Variants in METTL8 observed in about 807,000 individuals in gnomAD.
The protein encoded by METTL8 is tRNA N(3)-cytidine methyltransferase METTL8, mitochondrial.
A neutral mutation model predicts 48.7 loss-of-function variants in METTL8; 32 were observed. The ratio of observed to expected loss-of-function variants is 0.66; its 90% CI spans 0.50 to 0.88. The LOEUF (loss-of-function observed/expected upper bound fraction) is 0.88. Among genes scored for constraint, METTL8 ranks in the 40% least tolerant of loss-of-function variants. METTL8 has a pLI of 0.00. For synonymous variants in METTL8, 136 were observed against 157.1 expected (o/e 0.87, Z 1.01); for missense variants, 464 against 474.4 (o/e 0.98, Z 0.20).
At chr2:171,326,741 T>G (rs1685003673) in intron 7 of METTL8, among the ~76,000 whole-genome samples, 2 of 152,212 alleles carry the variant, frequency 1.3e-5, no homozygotes, top group Admixed American at 6.5e-5. Flanking sequence ...ATATTTCCTG[T>G]CTTTTTTGTT....
chr2:171,418,191 T>C (rs1204231365), intron 1 of METTL8, among the ~76,000 whole-genome samples: 2 of 152,168 alleles, frequency 1.3e-5, no homozygotes, highest in Non-Finnish European at 2.9e-5. Context: ...GATCCACCCG[T>C]GTCAATCTCC....
At chr2:171,326,278 G>T in intron 7 of METTL8, 130 bp from the exon 8 acceptor site, 1 of 559,700 alleles carries the variant, frequency 1.8e-6, no homozygotes, top group Non-Finnish European at 3.2e-6. Flanking sequence ...ATAAACATAA[G>T]GGTAACAAAA....
intron 3 of METTL8, among the ~76,000 whole-genome samples, chr2:171,348,854 T>G (rs968674768): frequency 2.0e-5 from 3 of 152,126 alleles, no homozygotes; most frequent in Non-Finnish European, 4.4e-5. Context: ...AAGGGAGAAA[T>G]CATTTTAAGA....
At position 171,347,577 on chromosome 2, in the gene METTL8, G is replaced by T. The variant is rs2105439194; in HGVS notation, c.236-8023C>A. On this transcript the variant is annotated intron_variant, in intron 3 of 9. Coordinates refer to ENST00000375258, the MANE Select transcript of METTL8 (RefSeq NM_001321154.2). ...TCATATTATCAGGAAATATATTGTG[G>T]ATAATTTTTAACTTCCTGGAAATGA... 2.0e-5 allele frequency among the ~76,000 whole-genome samples: 3 copies of T among 152,308 alleles called. 1 individual carries two copies. In the South Asian group the frequency reaches 6.2e-4, roughly 32 times the overall value.
At chr2:171,354,856 T>G (rs904295348) in intron 3 of METTL8, among the ~76,000 whole-genome samples, 6 of 136,998 alleles carry the variant, frequency 4.4e-5, no homozygotes, top group African/African-American at 1.6e-4. Flanking sequence ...AGTTAGCCAT[T>G]TGTCTAATTT....
intron 1 of METTL8, among the ~76,000 whole-genome samples, chr2:171,421,740 T>A (rs555834930): frequency 1.3e-5 from 2 of 152,066 alleles, no homozygotes; most frequent in Non-Finnish European, 1.5e-5. Flanking sequence ...AATCTGCATA[T>A]AAGGAGGGCC....
At chr2:171,337,367 G>GC (rs1215637465) in intron 5 of METTL8, 86 bp downstream of exon 5, 1 of 909,956 alleles carries the variant, frequency 1.1e-6, no homozygotes, top group Non-Finnish European at 1.7e-6. Context: ...AACACTACTG[G>GC]CATACACGTG....
chr2:171,342,976 G>A (rs1278567961), intron 3 of METTL8, among the ~76,000 whole-genome samples: 1 of 152,058 alleles, frequency 6.6e-6, no homozygotes, highest in South Asian at 2.1e-4. Context: ...AATTCAAGAT[G>A]AGCCTGGACA....
chr2:171,399,954 C>T (rs1689481402), intron 1 of METTL8, among the ~76,000 whole-genome samples: 1 of 151,882 alleles, frequency 6.6e-6, no homozygotes, highest in African/African-American at 2.4e-5. Flanking sequence ...GCCTGGGCAA[C>T]ATAGAGAGAC....
chr2:171,365,529 T>G (rs939543384), intron 2 of METTL8, among the ~76,000 whole-genome samples: 1 of 152,200 alleles, frequency 6.6e-6, no homozygotes, highest in African/African-American at 2.4e-5. Context: ...GACCCGCCTT[T>G]TAAACTCTTA....
chr2:171,360,557 G>A, intron 2 of METTL8, 44 bp from the exon 3 acceptor site: 2 of 1,551,202 alleles, frequency 1.3e-6, no homozygotes, highest in Admixed American at 1.8e-5. Context: ...TATCATTGAA[G>A]AAGGCAGAAA....
At chr2:171,429,602 A>G (rs1692773919) in intron 1 of METTL8, among the ~76,000 whole-genome samples, 3 of 152,250 alleles carry the variant, frequency 2.0e-5, no homozygotes, top group Non-Finnish European at 4.4e-5. Flanking sequence ...GATACAACAC[A>G]CACATAAAAA....
At chr2:171,425,547 A>T (rs1692319367) in intron 1 of METTL8, among the ~76,000 whole-genome samples, 1 of 152,216 alleles carries the variant, frequency 6.6e-6, no homozygotes, top group East Asian at 1.9e-4. Context: ...AACGTCTCAG[A>T]GCTGAGGGCT....
intron 2 of METTL8, among the ~76,000 whole-genome samples, 180 bp from the exon 3 acceptor site, chr2:171,360,693 G>T (rs1267666943): frequency 6.6e-6 from 1 of 152,086 alleles, no homozygotes; most frequent in Admixed American, 6.6e-5. Context: ...TACAACCCTG[G>T]AACTCCTAAG....
chr2:171,379,317 A>T (rs963383221), intron 2 of METTL8, among the ~76,000 whole-genome samples: 11 of 152,236 alleles, frequency 7.2e-5, no homozygotes, highest in African/African-American at 2.4e-4. Flanking sequence ...GAAAGATTTC[A>T]AATCAAAACC....
At position 171,317,436 on chromosome 2, in the gene METTL8, A is replaced by C. The variant is rs1414380595; in HGVS notation, c.*6736T>G. On this transcript the variant is annotated 3_prime_UTR_variant, in exon 10 of 10. Transcript: ENST00000375258. Reference sequence around the variant, plus strand: ...CAATCAAAGGCTCATTTTATTTGATAGGTAACATCTGATACAGAAGCATTT... The same window carrying C: ...CAATCAAAGGCTCATTTTATTTGATCGGTAACATCTGATACAGAAGCATTT... 1 of 152,268 alleles carries C rather than the reference A, an allele frequency of 6.6e-6. No homozygotes were observed. Among genetic ancestry groups the C allele is most frequent in the Non-Finnish European group, 1.5e-5 (1 of 68,070 alleles). The allele number at this position is 152,268 out of a possible 1,614,324, so 9.4% of individuals were successfully genotyped here. A position where few individuals can be genotyped will look rare whatever the true frequency, so the allele number is the denominator to read the frequency against.
chr2:171,398,815 A>T (rs1203495619), intron 1 of METTL8, among the ~76,000 whole-genome samples: 1 of 152,180 alleles, frequency 6.6e-6, no homozygotes, highest in African/African-American at 2.4e-5. Context: ...TGTGTACCTT[A>T]TATATACAAT....
At position 171,393,477 on chromosome 2, in the gene METTL8, T is replaced by C. The variant is rs186481384; in HGVS notation, c.-12-1280A>G. Reference sequence around the variant, plus strand: ...AGAATCATCTGCTGATTAGCCCAAATCCATCTCCATTTCTGGAAGAATAAC... The same window carrying C: ...AGAATCATCTGCTGATTAGCCCAAACCCATCTCCATTTCTGGAAGAATAAC... On this transcript the variant is annotated intron_variant, in intron 1 of 9. Transcript: ENST00000375258. Among the ~76,000 whole-genome samples the C allele has an allele frequency of 1.5e-3, 206 of 141,298 alleles. 2 individuals carry two copies. Among genetic ancestry groups the C allele is most frequent in the Middle Eastern group, 7.5e-3 (2 of 266 alleles). The allele number at this position is 141,298 out of a possible 152,430, so 92.7% of individuals were successfully genotyped here.
intron 2 of METTL8, among the ~76,000 whole-genome samples, chr2:171,383,732 T>C (rs1254706288): frequency 3.9e-5 from 6 of 152,242 alleles, no homozygotes; most frequent in African/African-American, 1.4e-4. Flanking sequence ...TTGCTCAATA[T>C]AGACAGATCT....
Sources: gnomAD v4.1 joint callset for allele counts (sites outside exome capture counted in the v4.1 genomes callset) on GRCh38, gnomAD v4.1.1 for gene constraint, MANE v1.5 for transcripts, NCBI Gene and HGNC (gene_info 2026-07-23, HGNC 2026-07-21) for gene names.